Variants in ARAP2 observed in about 807,000 individuals in gnomAD.
ARAP2 encodes arf-GAP with Rho-GAP domain, ANK repeat and PH domain-containing protein 2.
ARAP2 carries 148 observed loss-of-function variants against 194.5 expected under a neutral mutation model. The observed-to-expected ratio is 0.76, with a 90% CI of 0.67 to 0.87. The LOEUF is 0.87. ARAP2 is among the 40% of genes least tolerant of loss of function. The pLI is 0.00. For synonymous variants in ARAP2, 695 were observed against 683.5 expected (o/e 1.02, Z -0.26); for missense variants, 2,128 against 1,989.7 (o/e 1.07, Z -1.32).
chr4:36,235,913 A>G (rs1162877752), intron 1 of ARAP2, among the ~76,000 whole-genome samples: 1 of 152,218 alleles, frequency 6.6e-6, no homozygotes, highest in Non-Finnish European at 1.5e-5. Context: ...GAGGTGGCTC[A>G]TGCCTGTAAT....
chr4:36,160,660 A>AC lies in ARAP2; in HGVS notation c.2260-20_2260-19insG, dbSNP rs753302270. ...TAAAAAGCTGAATTGTCAAAAAAAA[A>AC]ACCCCATAATATATCAGTTCATAAA... On this transcript the variant is annotated intron_variant, in intron 12 of 32. Coordinates refer to ENST00000303965, the MANE Select transcript of ARAP2 (RefSeq NM_015230.4). The AC allele has an allele frequency of 2.8e-6, 4 of 1,442,500 alleles. No homozygotes were observed. Among genetic ancestry groups the AC allele is most frequent in the Admixed American group, 2.9e-5 (1 of 34,204 alleles). 89.4% of individuals were successfully genotyped at this position (1,442,500 alleles called of 1,614,324 possible). A position where few individuals can be genotyped will look rare whatever the true frequency, so the allele number is the denominator to read the frequency against.
chr4:36,156,585 T>C (rs562885362), intron 15 of ARAP2, among the ~76,000 whole-genome samples: 2 of 152,000 alleles, frequency 1.3e-5, no homozygotes, highest in African/African-American at 4.8e-5. Flanking sequence ...CTAGGGTAAA[T>C]ACAGAAAGAC....
chr4:36,107,834 C>A, intron 26 of ARAP2, 141 bp from the exon 27 acceptor site: 2 of 691,452 alleles, frequency 2.9e-6, no homozygotes, highest in Non-Finnish European at 4.4e-6. Context: ...TTATATTATA[C>A]AGTAATAGCA....
At chr4:36,148,961 T>TA (rs543950741) in intron 16 of ARAP2, among the ~76,000 whole-genome samples, 1 of 152,174 alleles carries the variant, frequency 6.6e-6, no homozygotes, top group South Asian at 2.1e-4. Context: ...CATTAAATCT[T>TA]ACAGTTTTCC....
At position 36,080,205 on chromosome 4, in the gene ARAP2, A is replaced by G. The variant is rs767501750; in HGVS notation, c.4608+11T>C. The G allele has an allele frequency of 1.1e-5, 17 of 1,610,550 alleles. No individual in the cohort carries two copies. Among genetic ancestry groups the G allele is most frequent in the Non-Finnish European group, 1.4e-5 (17 of 1,177,104 alleles). On this transcript the variant is annotated intron_variant, in intron 31 of 32. Transcript: ENST00000303965. ...TTATACTCTACTGGATAGTTCAAAC[A>G]AATCTCGTACCTGGGCAATAAAGAT...
At chr4:36,142,218 C>A (rs1201416520) in intron 19 of ARAP2, among the ~76,000 whole-genome samples, 1 of 151,666 alleles carries the variant, frequency 6.6e-6, no homozygotes, top group Non-Finnish European at 1.5e-5. Context: ...TATCAACATC[C>A]AAAATCATCC....
intron 27 of ARAP2, among the ~76,000 whole-genome samples, chr4:36,096,067 A>C (rs976912333): frequency 1.3e-5 from 2 of 152,032 alleles, no homozygotes; most frequent in Admixed American, 6.6e-5. Context: ...AAACTTTAGA[A>C]AAAAAAATTA....
intron 25 of ARAP2, among the ~76,000 whole-genome samples, chr4:36,114,802 C>T (rs1720934541): frequency 6.6e-6 from 1 of 151,942 alleles, no homozygotes; most frequent in Non-Finnish European, 1.5e-5. Context: ...ATGCTGGAAC[C>T]AGGATTCCAG....
rs116165329 is a variant in ARAP2, at chr4:36,228,963, T to C, written c.524A>G (p.Asn175Ser). 116 of 1,614,104 alleles carry C rather than the reference T, an allele frequency of 7.2e-5. No homozygotes were observed. The African/African-American group carries it at 1.4e-3, about 20-fold the overall frequency. Residue 175 changes from asparagine (N) to serine (S), a missense_variant, in exon 2 of 33, where the codon AAT becomes AGT. Transcript: ENST00000303965. Reference protein sequence around the residue: ...SLNDSLFGSDNIKIESLITKK... With the variant: ...SLNDSLFGSDSIKIESLITKK... Reference sequence around the variant, plus strand: ...TGTAATCAATGATTCTATTTTAATATTGTCACTACCAAATAAAGAATCATT... The same window carrying C: ...TGTAATCAATGATTCTATTTTAATACTGTCACTACCAAATAAAGAATCATT...
chr4:36,175,612 A>G (rs771683574), intron 9 of ARAP2, among the ~76,000 whole-genome samples: 18 of 152,168 alleles, frequency 1.2e-4, no homozygotes, highest in Non-Finnish European at 2.2e-4. Flanking sequence ...ACACACACAT[A>G]TACACAAACA....
chr4:36,182,005 A>G (rs753277073), intron 8 of ARAP2, among the ~76,000 whole-genome samples: 5 of 152,234 alleles, frequency 3.3e-5, no homozygotes, highest in Non-Finnish European at 7.3e-5. Flanking sequence ...GAGGAAGAGC[A>G]TTCTAGGATA....
chr4:36,047,505 CT>C (rs1276624919), intron 3 of ARAP2, among the ~76,000 whole-genome samples: 1 of 152,146 alleles, frequency 6.6e-6, no homozygotes, highest in Non-Finnish European at 1.5e-5. Context: ...TAGATTCATG[CT>C]TTCTTTTATT....
chr4:36,159,012 C>T (rs1004380374), intron 14 of ARAP2, 148 bp from the exon 15 acceptor site: 2 of 850,864 alleles, frequency 2.4e-6, no homozygotes, highest in Non-Finnish European at 3.4e-6. Context: ...TTTTACTTTG[C>T]ATAAAATTTG....
intron 8 of ARAP2, among the ~76,000 whole-genome samples, chr4:36,013,454 A>G (rs1347460518): frequency 2.0e-5 from 3 of 152,242 alleles, no homozygotes; most frequent in Admixed American, 6.5e-5. Context: ...CCTAAATGAC[A>G]CTTGAAATAA....
chr4:36,228,027 CT>C (rs1446609973), intron 2 of ARAP2, among the ~76,000 whole-genome samples: 1 of 152,144 alleles, frequency 6.6e-6, no homozygotes, highest in East Asian at 1.9e-4. Context: ...TCATACTGAG[CT>C]GTCTGTCACC....
chr4:36,146,482 C>A (rs1162358320), intron 19 of ARAP2, among the ~76,000 whole-genome samples: 2 of 151,998 alleles, frequency 1.3e-5, no homozygotes, highest in African/African-American at 4.8e-5. Context: ...CTCTTTCATT[C>A]AAATATTCCC....
chr4:36,208,552 G>A (rs561502350), intron 6 of ARAP2, among the ~76,000 whole-genome samples: 10 of 152,268 alleles, frequency 6.6e-5, no homozygotes, highest in South Asian at 2.1e-4. Context: ...TGAGTTAAAC[G>A]AAACTCAGCA....
chr4:36,005,628 C>T (rs1028193714), intron 10 of ARAP2: 2 of 152,048 alleles, frequency 1.3e-5, no homozygotes, highest in Non-Finnish European at 2.9e-5. Flanking sequence ...TTATATTATA[C>T]AATTCTATAC....
chr4:36,132,827 A>C (rs1347995540), intron 20 of ARAP2, among the ~76,000 whole-genome samples: 2 of 151,810 alleles, frequency 1.3e-5, no homozygotes, highest in African/African-American at 4.8e-5. Context: ...TCCACAGTTC[A>C]TCACTTCTAA....
Sources: gnomAD v4.1 joint callset for allele counts (sites outside exome capture counted in the v4.1 genomes callset) on GRCh38, gnomAD v4.1.1 for gene constraint, MANE v1.5 for transcripts, NCBI Gene and HGNC (gene_info 2026-07-23, HGNC 2026-07-21) for gene names.